UGT2A2: variants seen among roughly 807,000 people sequenced by gnomAD.
UGT2A2 encodes the protein UDP glucuronosyltransferase family 2 member A2.
Under a neutral mutation model 50.7 loss-of-function variants are expected in UGT2A2, and 60 were observed. The ratio of observed to expected loss-of-function variants is 1.18; its 90% confidence interval spans 0.96 to 1.47. The LOEUF is 1.47. Ranked by LOEUF, UGT2A2 falls within the 40% of genes most tolerant of loss-of-function variation. The pLI, the probability that UGT2A2 is intolerant of heterozygous loss-of-function variation, is 0.00. For synonymous variants in UGT2A2, 242 were observed against 214.6 expected (o/e 1.13, Z -1.11); for missense variants, 762 against 634.0 (o/e 1.20, Z -2.17).
At chr4:69,617,141 C>A (rs1560481125) in intron 1 of UGT2A2, among the ~76,000 whole-genome samples, 2 of 151,828 alleles carry the variant, frequency 1.3e-5, no homozygotes, top group African/African-American at 4.8e-5. Flanking sequence ...CAACAATAAA[C>A]TATGTGTAAA....
intron 3 of UGT2A2, 39 bp downstream of exon 3, chr4:69,596,211 A>G (rs759621532): frequency 2.1e-6 from 3 of 1,451,080 alleles, no homozygotes; most frequent in East Asian, 4.8e-5. Context: ...CTCTCCCATT[A>G]GTAAAAAGCT....
At chr4:69,628,852 C>A (rs2109951675) in intron 1 of UGT2A2, among the ~76,000 whole-genome samples, 1 of 151,094 alleles carries the variant, frequency 6.6e-6, no homozygotes, top group East Asian at 2.0e-4. Flanking sequence ...CTATTATGGT[C>A]TATATTGAAA....
At position 69,613,417 on chromosome 4, in the gene UGT2A2, T is replaced by C. The variant is rs549187005; in HGVS notation, c.743-14023A>G. ...TTCTACCAAACATTTGAATAACTAA[T>C]GTCAATTCTACTGAAACTATTCAAA... is the stretch of plus-strand genomic sequence containing the variant. On this transcript the variant is annotated intron_variant, in intron 1 of 5. Transcript: ENST00000604629. Among the ~76,000 whole-genome samples, 9 of 152,112 alleles carry C rather than the reference T, an allele frequency of 5.9e-5. No homozygotes were observed. In the East Asian group the frequency reaches 1.7e-3, roughly 29 times the overall value.
chr4:69,639,004 T>A lies in UGT2A2; in HGVS notation c.637A>T (p.Met213Leu). 6.2e-7 allele frequency: 1 copy of A among 1,613,312 alleles called. No individual in the cohort carries two copies. Among genetic ancestry groups the A allele is most frequent in the Non-Finnish European group, 8.5e-7 (1 of 1,179,580 alleles). ...TTTTTAATCCTTTCACCAAAGGTCA[T>A]CTGGTCAGTGAGCTCTGATAAGGCT... Reference protein sequence around the residue: ...PAALSELTDQMTFGERIKNTI... With the variant: ...PAALSELTDQLTFGERIKNTI... The change falls in exon 1 of 6, where the codon ATG becomes TTG. Residue 213 changes from methionine to leucine, a missense_variant. Met to Leu is a conservative substitution (Grantham distance 15). Coordinates refer to ENST00000604629, the MANE Select transcript of UGT2A2 (RefSeq NM_001105677.2).
intron 1 of UGT2A2, among the ~76,000 whole-genome samples, chr4:69,630,765 A>G (rs1173990877): frequency 6.6e-6 from 1 of 152,172 alleles, no homozygotes; most frequent in East Asian, 1.9e-4. Flanking sequence ...CAGACCCTAA[A>G]GGTGAAACCG....
chr4:69,616,912 T>C (rs1482207025), intron 1 of UGT2A2, among the ~76,000 whole-genome samples: 2 of 150,788 alleles, frequency 1.3e-5, no homozygotes, highest in African/African-American at 4.8e-5. Flanking sequence ...GTGGCATCTA[T>C]AATCAATGAC....
Position 69,603,221 on chromosome 4 carries a change from A to G in UGT2A2, c.743-3827T>C, listed in dbSNP as rs746881646. Among the ~76,000 whole-genome samples the G allele has an allele frequency of 7.3e-5, 10 of 137,150 alleles. 2 individuals are homozygous for G. Among genetic ancestry groups the G allele is most frequent in the Non-Finnish European group, 1.2e-4 (8 of 64,366 alleles). 90.0% of individuals were successfully genotyped at this position (137,150 alleles called of 152,430 possible). The stretch of plus-strand genomic sequence containing the variant: ...GCCAAAAATAATCAAGGAACTCCAG[A>G]TGAAGAGATACAAGAGGAAGGAATA... On this transcript the variant is annotated intron_variant, in intron 1 of 5. Transcript: ENST00000604629.
At chr4:69,598,275 C>G (rs1360751693) in intron 2 of UGT2A2, among the ~76,000 whole-genome samples, 1 of 152,096 alleles carries the variant, frequency 6.6e-6, no homozygotes, top group Non-Finnish European at 1.5e-5. Flanking sequence ...TAGGAACCTG[C>G]AACTTTCTAA....
chr4:69,600,631 T>A (rs73824169), intron 1 of UGT2A2, among the ~76,000 whole-genome samples: 2,622 of 152,188 alleles, frequency 0.017, 73 homozygotes, highest in African/African-American at 0.058. Context: ...TTTATTTTTT[T>A]AAAAAGAGGT....
chr4:69,620,639 A>T (rs1010340082), intron 1 of UGT2A2, among the ~76,000 whole-genome samples: 16 of 147,292 alleles, frequency 1.1e-4, no homozygotes, highest in Middle Eastern at 6.9e-3. Flanking sequence ...ACTATTTTAA[A>T]ATATATATAT....
At chr4:69,629,568 C>T (rs1382010539) in intron 1 of UGT2A2, among the ~76,000 whole-genome samples, 1 of 152,156 alleles carries the variant, frequency 6.6e-6, no homozygotes, top group East Asian at 1.9e-4. Flanking sequence ...AGGCTCTAGA[C>T]ATCTATGTGA....
At chr4:69,612,228 T>G (rs964563663) in intron 1 of UGT2A2, among the ~76,000 whole-genome samples, 2 of 151,910 alleles carry the variant, frequency 1.3e-5, no homozygotes, top group African/African-American at 4.8e-5. Flanking sequence ...AATATTAGAA[T>G]TATTTGAAAT....
At chr4:69,618,221 T>TGTG (rs1720530663) in intron 1 of UGT2A2, among the ~76,000 whole-genome samples, 4 of 144,632 alleles carry the variant, frequency 2.8e-5, no homozygotes, top group South Asian at 2.2e-4. Flanking sequence ...GTGTGTATGT[T>TGTG]TGTGTGTGTG....
At chr4:69,590,850 A>G (rs1198221264) in intron 5 of UGT2A2, among the ~76,000 whole-genome samples, 2 of 152,212 alleles carry the variant, frequency 1.3e-5, no homozygotes, top group African/African-American at 4.8e-5. Context: ...GTTTTATTAT[A>G]CACTAATGTT....
In UGT2A2 at chr4:69,616,833, C is replaced by CTTTTTTT. The variant is rs4148315; in HGVS notation, c.743-17446_743-17440dup. On this transcript the variant is annotated intron_variant, in intron 1 of 5. Coordinates refer to ENST00000604629, the MANE Select transcript of UGT2A2 (RefSeq NM_001105677.2). ...CTAAATTTCTCTGCCATTTTCTTTT[C>CTTTTTTT]TTTTTTTTTTTTTTTTTGAATAGTG... Among the ~76,000 whole-genome samples the CTTTTTTT allele has an allele frequency of 2.8e-4, 35 of 127,254 alleles. 1 individual carries two copies. In the East Asian group the frequency reaches 3.3e-3, roughly 12 times the overall value. The allele number at this position is 127,254 out of a possible 152,430, so 83.5% of individuals were successfully genotyped here.
Position 69,639,454 on chromosome 4 carries a change from C to T in UGT2A2, c.187G>A (p.Ala63Thr). The T allele has an allele frequency of 6.2e-7, 1 of 1,613,008 alleles. No individual in the cohort carries two copies. The highest frequency in any genetic ancestry group is 8.5e-7 in the Non-Finnish European group (1 of 1,179,466). ...IQRNHNVTVL[A>T]SSATLFINSN... ...TTGATGAATAGAGTTGCTGATGAAG[C>T]CAGTACAGTCACATTGTGATTTCTT... is the stretch of plus-strand genomic sequence containing the variant. The change falls in exon 1 of 6, where the codon GCT becomes ACT. Residue 63 changes from alanine (A) to threonine (T), a missense_variant. By Grantham distance (58) the Ala-to-Thr change is moderately conservative (BLOSUM62 0). Coordinates refer to ENST00000604629, the MANE Select transcript of UGT2A2 (RefSeq NM_001105677.2).
intron 1 of UGT2A2, among the ~76,000 whole-genome samples, chr4:69,607,727 C>A (rs542061515): frequency 1.3e-5 from 2 of 152,000 alleles, no homozygotes; most frequent in African/African-American, 2.4e-5. Context: ...TTACAAGAAA[C>A]AAACAAACAA....
At chr4:69,597,471 A>C (rs769338695) in intron 2 of UGT2A2, among the ~76,000 whole-genome samples, 2 of 152,174 alleles carry the variant, frequency 1.3e-5, no homozygotes, top group Non-Finnish European at 2.9e-5. Context: ...CATCATATCT[A>C]TATGAATGCT....
intron 1 of UGT2A2, among the ~76,000 whole-genome samples, chr4:69,610,537 T>TA (rs939521771): frequency 6.6e-6 from 1 of 152,198 alleles, no homozygotes; most frequent in African/African-American, 2.4e-5. Flanking sequence ...TAATCTGTTT[T>TA]AAAAATCAGT....
Sources: gnomAD v4.1 joint callset for allele counts (sites outside exome capture counted in the v4.1 genomes callset) on GRCh38, gnomAD v4.1.1 for gene constraint, MANE v1.5 for transcripts, NCBI Gene and HGNC (gene_info 2026-07-23, HGNC 2026-07-21) for gene names.